RPS6KC1: variants seen among roughly 807,000 people sequenced by gnomAD.
RPS6KC1 encodes the protein inactive ribosomal protein S6 kinase delta-1.
In RPS6KC1, 54 loss-of-function variants were observed where a neutral mutation model predicts 103.8. The ratio of observed to expected loss-of-function variants is 0.52; its 90% CI spans 0.42 to 0.65. RPS6KC1 has a LOEUF of 0.65. Ranked by LOEUF, RPS6KC1 falls within the 30% of genes least tolerant of loss-of-function variation. RPS6KC1 has a pLI of 0.00. For synonymous variants in RPS6KC1, 439 were observed against 438.7 expected, an observed-to-expected ratio of 1.00 and a Z score of -0.01; for missense variants, 1,151 against 1,253.8, an observed-to-expected ratio of 0.92 and a Z score of 1.24.
the RPS6KC1 span, among the ~76,000 whole-genome samples, chr1:213,383,221 A>G: frequency 6.6e-6 from 1 of 152,220 alleles, no homozygotes; most frequent in African/African-American, 2.4e-5. Flanking sequence ...TACCTGGTTC[A>G]CTGTCGATGG....
At chr1:213,248,096 G>A (rs1344063526) in intron 12 of RPS6KC1, among the ~76,000 whole-genome samples, 4 of 152,010 alleles carry the variant, frequency 2.6e-5, no homozygotes, top group African/African-American at 9.7e-5. Flanking sequence ...GGTAATTTCA[G>A]CAAACATGAG....
At chr1:213,840,419 A>G in the RPS6KC1 span, 1 of 152,118 alleles carries the variant, frequency 6.6e-6, no homozygotes, top group African/African-American at 2.4e-5. Flanking sequence ...CTGAGTTTAT[A>G]TTTTTATATG....
At chr1:213,357,037 G>A in the RPS6KC1 span, among the ~76,000 whole-genome samples, 3 of 152,194 alleles carry the variant, frequency 2.0e-5, no homozygotes, top group Non-Finnish European at 2.9e-5. Flanking sequence ...GCAGGGGCCA[G>A]GACCAGGGGC....
the RPS6KC1 span, among the ~76,000 whole-genome samples, chr1:213,687,453 A>T: frequency 6.6e-6 from 1 of 152,166 alleles, no homozygotes; most frequent in African/African-American, 2.4e-5. Context: ...TTAACAGCTT[A>T]AACACCCCAC....
the RPS6KC1 span, among the ~76,000 whole-genome samples, chr1:213,356,177 C>A: frequency 6.6e-6 from 1 of 152,010 alleles, no homozygotes; most frequent in Non-Finnish European, 1.5e-5. Context: ...ACAATGAGGG[C>A]GATGTGTGGT....
At chr1:213,156,381 A>T (rs1232257164) in intron 6 of RPS6KC1, among the ~76,000 whole-genome samples, 1 of 152,224 alleles carries the variant, frequency 6.6e-6, no homozygotes, top group Non-Finnish European at 1.5e-5. Context: ...ATTTCTGTAT[A>T]TGGAACTGGG....
At chr1:213,855,247 G>A in the RPS6KC1 span, among the ~76,000 whole-genome samples, 1 of 152,188 alleles carries the variant, frequency 6.6e-6, no homozygotes, top group South Asian at 2.1e-4. Context: ...CACAAATACA[G>A]CAGATGTCTA....
chr1:213,180,640 A>G (rs1454193044), intron 8 of RPS6KC1, among the ~76,000 whole-genome samples: 1 of 152,190 alleles, frequency 6.6e-6, no homozygotes, highest in East Asian at 1.9e-4. Context: ...TTGTGTAGCA[A>G]TAGCAGGGGA....
At chr1:213,103,905 G>T (rs1009849952) in intron 3 of RPS6KC1, among the ~76,000 whole-genome samples, 1 of 152,158 alleles carries the variant, frequency 6.6e-6, no homozygotes, top group Non-Finnish European at 1.5e-5. Context: ...CCATATGTGT[G>T]TTCTTTTTTC....
chr1:213,078,229 T>G, intron 3 of RPS6KC1, among the ~76,000 whole-genome samples: 1 of 118,636 alleles, frequency 8.4e-6, no homozygotes, highest in Admixed American at 8.3e-5. Flanking sequence ...TACCTTAGTA[T>G]TCTTTTTTTT....
the RPS6KC1 span, among the ~76,000 whole-genome samples, chr1:213,861,659 G>A: frequency 6.6e-6 from 1 of 152,090 alleles, no homozygotes; most frequent in Admixed American, 6.5e-5. Flanking sequence ...CACCACTATC[G>A]CTTCCTCAGG....
At chr1:213,771,335 C>G in the RPS6KC1 span, among the ~76,000 whole-genome samples, 648 of 152,174 alleles carry the variant, frequency 4.3e-3, 14 homozygotes, top group Non-Finnish European at 6.3e-3. Flanking sequence ...GTGGTTAAAA[C>G]CATGGATCAG....
chr1:213,084,953 T>C (rs964130818), intron 3 of RPS6KC1, among the ~76,000 whole-genome samples: 1 of 152,232 alleles, frequency 6.6e-6, no homozygotes, highest in Non-Finnish European at 1.5e-5. Context: ...TTGTGTCACC[T>C]GGTCAAGGTA....
At chr1:213,737,178 C>T in the RPS6KC1 span, among the ~76,000 whole-genome samples, 1 of 152,198 alleles carries the variant, frequency 6.6e-6, no homozygotes, top group Non-Finnish European at 1.5e-5. Context: ...GGGCAGAATT[C>T]AGCCTCTTGA....
the RPS6KC1 span, among the ~76,000 whole-genome samples, chr1:213,500,592 A>T: frequency 6.6e-6 from 1 of 152,226 alleles, no homozygotes; most frequent in Non-Finnish European, 1.5e-5. Flanking sequence ...GCAGCGCAGT[A>T]GGTTTGTTTA....
intron 1 of RPS6KC1, among the ~76,000 whole-genome samples, chr1:213,064,263 G>A (rs1248410886): frequency 1.3e-5 from 2 of 152,042 alleles, no homozygotes; most frequent in East Asian, 3.9e-4. Context: ...CACCATGTTG[G>A]CCAGGTTAGT....
chr1:213,440,593 TAAAAAAAAA>T, the RPS6KC1 span, among the ~76,000 whole-genome samples: 1 of 100,384 alleles, frequency 1.0e-5, no homozygotes, highest in Non-Finnish European at 1.9e-5. Flanking sequence ...TTAATGGAAC[TAAAAAAAAA>T]AAAAAAAAAA....
chr1:213,693,674 T>C, the RPS6KC1 span, among the ~76,000 whole-genome samples: 4 of 152,194 alleles, frequency 2.6e-5, no homozygotes, highest in Non-Finnish European at 5.9e-5. Flanking sequence ...GGAGAATCGC[T>C]GTTGTTCATT....
At chr1:213,491,998 T>C in the RPS6KC1 span, among the ~76,000 whole-genome samples, 1 of 152,154 alleles carries the variant, frequency 6.6e-6, no homozygotes, top group Admixed American at 6.5e-5. Context: ...CTGAACTGTA[T>C]ATAAGGTGGT....
Sources: allele counts gnomAD v4.1 joint callset (sites outside exome capture counted in the v4.1 genomes callset), GRCh38; gene constraint gnomAD v4.1.1; transcripts MANE v1.5; gene names NCBI Gene and HGNC (gene_info 2026-07-23, HGNC 2026-07-21).